CCDC63: variants seen among roughly 807,000 people sequenced by gnomAD.
The protein encoded by CCDC63 is coiled-coil domain-containing protein 63.
CCDC63 carries 54 observed loss-of-function variants against 63.6 expected under a neutral mutation model. That is an observed-to-expected ratio of 0.85 (90% CI 0.68 to 1.07). The LOEUF is 1.07. Among genes scored for constraint, CCDC63 ranks in the 50% least tolerant of loss-of-function variants. The pLI is 0.00. For synonymous variants in CCDC63, 253 were observed against 266.1 expected (o/e 0.95, Z 0.48); for missense variants, 637 against 689.6 (o/e 0.92, Z 0.86).
Position 110,879,909 on chromosome 12 carries a change from A to C in CCDC63, c.493A>C (p.Thr165Pro), listed in dbSNP as rs1310428274. The change falls in exon 6 of 12, where the codon ACT becomes CCT. Residue 165 changes from threonine to proline, a missense_variant. Coordinates refer to ENST00000308208, the MANE Select transcript of CCDC63 (RefSeq NM_152591.3). ...TGAAGCATGGCCCTTTCAACAGGTCACTGTTCACTTTGACAAGATGCTGAC... is the reference window on the plus strand; with the variant it reads ...TGAAGCATGGCCCTTTCAACAGGTCCCTGTTCACTTTGACAAGATGCTGAC... ...HILETRLNLV[T>P]VHFDKMLTTN... The C allele has an allele frequency of 6.2e-7, 1 of 1,614,130 alleles. No individual in the cohort carries two copies. The highest frequency in any genetic ancestry group is 2.2e-5 in the East Asian group (1 of 44,884).
intron 4 of CCDC63, among the ~76,000 whole-genome samples, chr12:110,866,714 ACTT>A (rs2070954509): frequency 6.7e-6 from 1 of 149,686 alleles, no homozygotes; most frequent in African/African-American, 2.5e-5. Flanking sequence ...TCCCATGTCT[ACTT>A]CTTTCTACAC....
At chr12:110,872,770 T>C (rs2071083183) in intron 4 of CCDC63, among the ~76,000 whole-genome samples, 1 of 152,138 alleles carries the variant, frequency 6.6e-6, no homozygotes, top group Admixed American at 6.5e-5. Context: ...AAACTATAGG[T>C]GCATGCCACC....
At chr12:110,891,162 C>T (rs1381141700) in intron 8 of CCDC63, among the ~76,000 whole-genome samples, 2 of 151,906 alleles carry the variant, frequency 1.3e-5, no homozygotes, top group African/African-American at 2.4e-5. Context: ...ATGCACATTC[C>T]AGGCTGGGTG....
intron 3 of CCDC63, among the ~76,000 whole-genome samples, chr12:110,857,676 T>C (rs2070791745): frequency 1.3e-5 from 2 of 152,206 alleles, no homozygotes; most frequent in South Asian, 4.1e-4. Flanking sequence ...TTGTGCAGTC[T>C]TTCAAGCTCC....
chr12:110,857,301 A>G (rs1175913389), intron 3 of CCDC63, among the ~76,000 whole-genome samples: 6 of 148,242 alleles, frequency 4.0e-5, no homozygotes, highest in East Asian at 2.1e-4. Context: ...AATTTTTTGT[A>G]TTTTTACTAG....
rs2070722079 is a variant in CCDC63, at chr12:110,852,849, C to T, written c.-96-10C>T. 4.4e-6 allele frequency: 7 copies of T among 1,582,162 alleles called. No individual in the cohort carries two copies. In the South Asian group the frequency reaches 7.7e-5, roughly 18 times the overall value. Reference sequence around the variant, plus strand: ...CTTACAAGTTCTCTTCCTTTTGCCACCATGAACAGGGCATTGCAGAGAGAC... The same window carrying T: ...CTTACAAGTTCTCTTCCTTTTGCCATCATGAACAGGGCATTGCAGAGAGAC... On this transcript the variant is annotated splice_polypyrimidine_tract_variant and intron_variant, in intron 1 of 11. Transcript: ENST00000308208.
intron 1 of CCDC63, among the ~76,000 whole-genome samples, chr12:110,851,253 G>A (rs943453831): frequency 2.0e-5 from 3 of 151,382 alleles, no homozygotes; most frequent in Non-Finnish European, 2.9e-5. Flanking sequence ...CTAAATGCTG[G>A]TGCTTGCTTG....
chr12:110,867,503 T>A (rs546324997), intron 4 of CCDC63, among the ~76,000 whole-genome samples: 1 of 51,298 alleles, frequency 1.9e-5, no homozygotes, highest in African/African-American at 9.2e-5. Context: ...ACCTCCGGGA[T>A]GGGGCGGCTG....
At chr12:110,848,812 T>G (rs1182191508) in intron 1 of CCDC63, among the ~76,000 whole-genome samples, 1 of 152,298 alleles carries the variant, frequency 6.6e-6, no homozygotes, top group African/African-American at 2.4e-5. Flanking sequence ...TTCATGTTAT[T>G]AAGATGGTGC....
intron 8 of CCDC63, among the ~76,000 whole-genome samples, chr12:110,887,558 G>A (rs1425680143): frequency 6.6e-6 from 1 of 152,078 alleles, no homozygotes; most frequent in Non-Finnish European, 1.5e-5. Flanking sequence ...GATGGGCCAT[G>A]GGAGGGGGCT....
intron 4 of CCDC63, among the ~76,000 whole-genome samples, chr12:110,867,273 GCTC>G (rs2070973777): frequency 1.0e-5 from 1 of 100,246 alleles, no homozygotes; most frequent in African/African-American, 4.1e-5. Flanking sequence ...GGGCAGAGGG[GCTC>G]CTCACTTCCC....
chr12:110,858,118 A>C (rs1285418101), intron 3 of CCDC63, among the ~76,000 whole-genome samples: 1 of 34,228 alleles, frequency 2.9e-5, no homozygotes, highest in African/African-American at 5.6e-5. Flanking sequence ...AATATAAAAT[A>C]AAATAAAATA....
Position 110,880,087 on chromosome 12 carries a change from G to A in CCDC63, c.671G>A (p.Arg224Lys), listed in dbSNP as rs779970036. Reference sequence around the variant, plus strand: ...CAATCTTCTCAGGCCTATGAGCAGAGGTGGGCTGGGGATAGGTCCAGGGGC... The same window carrying A: ...CAATCTTCTCAGGCCTATGAGCAGAAGTGGGCTGGGGATAGGTCCAGGGGC... The part of the protein sequence containing the change: ...IEQSSQAYEQ[R>K]VEAMARMAAM... The change falls in exon 6 of 12, where the codon AGG becomes AAG. Residue 224 changes from arginine (R) to lysine (K), a missense_variant and splice_region_variant. Coordinates refer to ENST00000308208, the MANE Select transcript of CCDC63 (RefSeq NM_152591.3). 6.2e-7 allele frequency: 1 copy of A among 1,613,630 alleles called. No individual in the cohort carries two copies. The highest frequency in any genetic ancestry group is 1.1e-5 in the South Asian group (1 of 91,062).
At chr12:110,867,858 G>T (rs2070993593) in intron 4 of CCDC63, among the ~76,000 whole-genome samples, 1 of 151,942 alleles carries the variant, frequency 6.6e-6, no homozygotes, top group Admixed American at 6.5e-5. Flanking sequence ...TCCCGGACGG[G>T]GTGGCTGCCA....
upstream of CCDC63, chr12:110,846,792 G>T (rs1198367573): frequency 6.6e-6 from 1 of 152,348 alleles, no homozygotes; most frequent in Non-Finnish European, 1.5e-5. Flanking sequence ...GGGTAGTCTG[G>T]TAAGGGGTCG....
intron 4 of CCDC63, among the ~76,000 whole-genome samples, chr12:110,863,265 T>C (rs1323185201): frequency 7.1e-6 from 1 of 140,354 alleles, no homozygotes; most frequent in Non-Finnish European, 1.5e-5. Flanking sequence ...GACACACACG[T>C]GTGTGTGTGT....
chr12:110,865,120 T>TCA (rs1294188987), intron 4 of CCDC63, among the ~76,000 whole-genome samples: 1 of 152,112 alleles, frequency 6.6e-6, no homozygotes, highest in Non-Finnish European at 1.5e-5. Flanking sequence ...AATCAATACA[T>TCA]CACAGGCAGA....
chr12:110,863,199 G>A (rs577474182), intron 4 of CCDC63, among the ~76,000 whole-genome samples: 8 of 152,270 alleles, frequency 5.3e-5, no homozygotes, highest in African/African-American at 1.9e-4. Context: ...TAGAGCGGGG[G>A]CCTGACTCCA....
chr12:110,902,211 G>C (rs564368626), intron 10 of CCDC63, among the ~76,000 whole-genome samples: 16 of 152,272 alleles, frequency 1.1e-4, no homozygotes, highest in African/African-American at 2.6e-4. Context: ...CCAGGTTCCC[G>C]GATGCCAGCC....
Sources: gnomAD v4.1 joint callset for allele counts (sites outside exome capture counted in the v4.1 genomes callset) on GRCh38, gnomAD v4.1.1 for gene constraint, MANE v1.5 for transcripts, NCBI Gene and HGNC (gene_info 2026-07-23, HGNC 2026-07-21) for gene names.